The following CHRM3 variants were observed in gnomAD, a reference collection of about 807,000 sequenced individuals.
CHRM3 encodes cholinergic receptor muscarinic 3.
In CHRM3, 11 loss-of-function variants were observed where a neutral mutation model predicts 41.8. The ratio of observed to expected loss-of-function variants is 0.26; its 90% confidence interval spans 0.17 to 0.44. CHRM3 has a LOEUF of 0.44. CHRM3 is among the 20% of genes least tolerant of loss of function. The pLI, the probability that CHRM3 is intolerant of heterozygous loss-of-function variation, is 1.00. For missense variants in CHRM3, 571 were observed against 745.4 expected (o/e 0.77, Z 2.72); for synonymous variants, 297 against 301.4 (o/e 0.99, Z 0.15).
At chr1:239,783,733 G>A (rs187677488) in intron 5 of CHRM3, among the ~76,000 whole-genome samples, 24 of 152,194 alleles carry the variant, frequency 1.6e-4, no homozygotes, top group Non-Finnish European at 2.9e-4. Flanking sequence ...TTTTAGGTTC[G>A]GGGGTATATG....
intron 3 of CHRM3, among the ~76,000 whole-genome samples, chr1:239,589,826 A>G (rs1381096627): frequency 6.6e-6 from 1 of 151,464 alleles, no homozygotes; most frequent in Non-Finnish European, 1.5e-5. Flanking sequence ...ATATAGTTAT[A>G]TATACACATA....
Position 239,454,686 on chromosome 1 carries a change from A to C in CHRM3, c.-520-38023A>C, listed in dbSNP as rs191011067. Among the ~76,000 whole-genome samples the C allele has an allele frequency of 9.3e-4, 141 of 152,326 alleles. 1 individual carries two copies. In the South Asian group the frequency reaches 0.014, roughly 15 times the overall value. ...AAAGCCATCAGTCATCTCAGCATAC[A>C]AAAAGACACAGTGCTTTGGAGATTT... On this transcript the variant is annotated intron_variant, in intron 1 of 6. Coordinates refer to ENST00000676153, the MANE Select transcript of CHRM3 (RefSeq NM_001375978.1).
chr1:239,408,186 T>C (rs1660762313), intron 1 of CHRM3: 1 of 152,194 alleles, frequency 6.6e-6, no homozygotes, highest in African/African-American at 2.4e-5. Context: ...GACTTCATTC[T>C]GCACGTCTCC....
intron 2 of CHRM3, among the ~76,000 whole-genome samples, chr1:239,531,527 T>C (rs184579985): frequency 2.6e-5 from 4 of 151,918 alleles, no homozygotes; most frequent in Admixed American, 2.6e-4. Flanking sequence ...TTCTGGTACA[T>C]TTACTTAAAA....
chr1:239,760,007 C>T (rs766872725), intron 5 of CHRM3, among the ~76,000 whole-genome samples: 123 of 152,102 alleles, frequency 8.1e-4, no homozygotes, highest in East Asian at 1.2e-3. Flanking sequence ...CTCTGCCTCC[C>T]GGGTTCACAC....
At position 239,708,056 on chromosome 1, in the gene CHRM3, T is replaced by C. The variant is rs77517812; in HGVS notation, c.-147+29768T>C. On this transcript the variant is annotated intron_variant, in intron 5 of 6. Transcript: ENST00000676153. ...CTCATAGGCAGGAAATGGCAGTAAG[T>C]GAATGTGCTAATTCTGCAACATGGG... Among the ~76,000 whole-genome samples the C allele has an allele frequency of 1.4e-3, 214 of 152,332 alleles. 3 individuals are homozygous for C. The East Asian group carries it at 0.015, about 10-fold the overall frequency.
At chr1:239,813,916 C>CAAAA (rs67147618) in intron 5 of CHRM3, among the ~76,000 whole-genome samples, 2 of 103,218 alleles carry the variant, frequency 1.9e-5, no homozygotes, top group African/African-American at 1.0e-4. Context: ...GACTCCGTCT[C>CAAAA]AAAAAAAAAA....
At chr1:239,688,314 G>A (rs542023851) in intron 5 of CHRM3, among the ~76,000 whole-genome samples, 27 of 145,254 alleles carry the variant, frequency 1.9e-4, no homozygotes, top group South Asian at 1.7e-3. Context: ...ATATATGTAC[G>A]TATAGATATT....
intron 1 of CHRM3, among the ~76,000 whole-genome samples, chr1:239,456,087 C>A (rs34584779): frequency 6.6e-6 from 1 of 152,112 alleles, no homozygotes; most frequent in African/African-American, 2.4e-5. Flanking sequence ...AAGGAGGCAT[C>A]TGATGCCGTG....
At chr1:239,586,772 A>T (rs566144178) in intron 3 of CHRM3, among the ~76,000 whole-genome samples, 171 of 152,270 alleles carry the variant, frequency 1.1e-3, no homozygotes, top group Non-Finnish European at 1.8e-3. Flanking sequence ...TATTTCCTGC[A>T]CTTTATGTGA....
intron 5 of CHRM3, among the ~76,000 whole-genome samples, chr1:239,797,105 G>A (rs6661317): frequency 0.11 from 17,384 of 152,148 alleles, 1,969 homozygotes; most frequent in African/African-American, 0.29. Context: ...CAGAAACACA[G>A]AATCAAATAC....
intron 1 of CHRM3, among the ~76,000 whole-genome samples, chr1:239,469,901 A>G (rs1437143462): frequency 6.6e-6 from 1 of 152,052 alleles, no homozygotes; most frequent in Non-Finnish European, 1.5e-5. Context: ...CTCCTTTTCA[A>G]AACCACCATG....
At chr1:239,772,174 G>A (rs369087833) in intron 5 of CHRM3, among the ~76,000 whole-genome samples, 3 of 151,870 alleles carry the variant, frequency 2.0e-5, no homozygotes, top group Admixed American at 6.6e-5. Flanking sequence ...TCTTTGAGAC[G>A]GAGGTTCACT....
Position 239,910,619 on chromosome 1 carries a change from G to A in CHRM3, c.*1395G>A, listed in dbSNP as rs1680309661. The A allele has an allele frequency of 6.0e-6, 1 of 166,462 alleles. No individual in the cohort carries two copies. Among genetic ancestry groups the A allele is most frequent in the Admixed American group, 6.6e-5 (1 of 15,216 alleles). 10.3% of individuals were successfully genotyped at this position (166,462 alleles called of 1,614,324 possible). On this transcript the variant is annotated 3_prime_UTR_variant, in exon 7 of 7. Coordinates refer to ENST00000676153, the MANE Select transcript of CHRM3 (RefSeq NM_001375978.1). ...AAATTGTTTTTTTGCATTCTCCCTT[G>A]AATTGACCAAAATGTTAACTGTTTC...
At position 239,498,939 on chromosome 1, in the gene CHRM3, G is replaced by A. The variant is rs148617484; in HGVS notation, c.-422+6132G>A. Among the ~76,000 whole-genome samples the A allele has an allele frequency of 2.9e-3, 435 of 152,084 alleles. 2 individuals carry two copies. The highest frequency in any genetic ancestry group is 4.9e-3 in the Non-Finnish European group (334 of 67,986). ...TTAGCATGCTTCCTTTTTATTTAGC[G>A]TGCTTCCTTATATGTAGGTCCTCCT... On this transcript the variant is annotated intron_variant, in intron 2 of 6. Coordinates refer to ENST00000676153, the MANE Select transcript of CHRM3 (RefSeq NM_001375978.1).
chr1:239,803,142 G>T (rs1341670476), intron 5 of CHRM3, among the ~76,000 whole-genome samples: 1 of 152,136 alleles, frequency 6.6e-6, no homozygotes, highest in Non-Finnish European at 1.5e-5. Flanking sequence ...GTAACATGGT[G>T]AAGGCTCTAT....
intron 3 of CHRM3, among the ~76,000 whole-genome samples, chr1:239,591,556 A>C (rs529599336): frequency 6.6e-6 from 1 of 152,274 alleles, no homozygotes; most frequent in East Asian, 1.9e-4. Context: ...TTTACTTCAA[A>C]ATCAAGACTA....
intron 6 of CHRM3, among the ~76,000 whole-genome samples, chr1:239,847,387 T>C (rs1054137012): frequency 6.6e-6 from 1 of 152,188 alleles, no homozygotes; most frequent in African/African-American, 2.4e-5. Context: ...CTAAAATAGA[T>C]CTTCAAAATA....
intron 3 of CHRM3, among the ~76,000 whole-genome samples, chr1:239,577,238 T>A (rs983063551): frequency 2.6e-5 from 4 of 152,188 alleles, no homozygotes; most frequent in African/African-American, 4.8e-5. Flanking sequence ...TCCTTCGTTT[T>A]TCTTTTCCTT....
Sources: allele counts gnomAD v4.1 joint callset (sites outside exome capture counted in the v4.1 genomes callset), GRCh38; gene constraint gnomAD v4.1.1; transcripts MANE v1.5; gene names NCBI Gene and HGNC (gene_info 2026-07-23, HGNC 2026-07-21).